The following SUCLG2 variants were observed in gnomAD, a reference collection of about 807,000 sequenced individuals.
The protein encoded by SUCLG2 is succinate-CoA ligase GDP-forming subunit beta, also known as succinate--CoA ligase [GDP-forming] subunit beta, mitochondrial.
In SUCLG2, 42 loss-of-function variants were observed where a neutral mutation model predicts 47.9. The ratio of observed to expected loss-of-function variants is 0.88; its 90% confidence interval spans 0.69 to 1.14. SUCLG2 has a LOEUF of 1.14. Among genes scored for constraint, SUCLG2 ranks in the 50% most tolerant of loss-of-function variants. SUCLG2 has a pLI of 0.00. For missense variants in SUCLG2, 571 were observed against 525.9 expected, an observed-to-expected ratio of 1.09 and a Z score of -0.84; for synonymous variants, 195 against 197.3, an observed-to-expected ratio of 0.99 and a Z score of 0.10.
intron 6 of SUCLG2, among the ~76,000 whole-genome samples, chr3:67,510,693 T>C (rs1184077739): frequency 6.6e-6 from 1 of 152,218 alleles, no homozygotes; most frequent in Non-Finnish European, 1.5e-5. Context: ...TGTATTGATA[T>C]GCTATAATTC....
At chr3:67,386,299 G>A (rs1389328149) in intron 10 of SUCLG2, among the ~76,000 whole-genome samples, 2 of 149,174 alleles carry the variant, frequency 1.3e-5, no homozygotes, top group African/African-American at 2.5e-5. Flanking sequence ...GGGTTTCACC[G>A]TGTTAGCCAG....
At chr3:67,549,854 CTTTTT>C (rs925588985) in intron 2 of SUCLG2, among the ~76,000 whole-genome samples, 1 of 148,534 alleles carries the variant, frequency 6.7e-6, no homozygotes, top group Non-Finnish European at 1.5e-5. Flanking sequence ...TAAATTTTTT[CTTTTT>C]TTTTTAAACT....
At chr3:67,606,730 TAA>T (rs1445765358) in intron 2 of SUCLG2, among the ~76,000 whole-genome samples, 1 of 152,222 alleles carries the variant, frequency 6.6e-6, no homozygotes, top group Non-Finnish European at 1.5e-5. Flanking sequence ...TATTAAAATA[TAA>T]GTCACTTCAA....
chr3:67,607,518 G>C (rs1228552048), intron 2 of SUCLG2, among the ~76,000 whole-genome samples: 2 of 151,940 alleles, frequency 1.3e-5, no homozygotes, highest in African/African-American at 4.8e-5. Context: ...TGGCAATCCA[G>C]ACCGACACCT....
chr3:67,465,693 C>A (rs1324612813), intron 9 of SUCLG2, among the ~76,000 whole-genome samples: 1 of 152,188 alleles, frequency 6.6e-6, no homozygotes. Flanking sequence ...GATGGCCAGG[C>A]CAGCCTCTCC....
chr3:67,451,472 T>C (rs1446647581), intron 9 of SUCLG2, among the ~76,000 whole-genome samples: 5 of 152,172 alleles, frequency 3.3e-5, no homozygotes, highest in South Asian at 2.1e-4. Flanking sequence ...ATCAACCAGA[T>C]GTTAAATAAT....
At chr3:67,379,192 T>G (rs575979222) in intron 10 of SUCLG2, among the ~76,000 whole-genome samples, 18 of 152,210 alleles carry the variant, frequency 1.2e-4, no homozygotes, top group Admixed American at 9.2e-4. Flanking sequence ...AGTGATCCAC[T>G]TGCCTCGGCC....
chr3:67,550,418 C>T (rs1345794761), intron 2 of SUCLG2, among the ~76,000 whole-genome samples: 1 of 152,160 alleles, frequency 6.6e-6, no homozygotes. Context: ...TGGCTCACTG[C>T]AGCCTCGAAC....
chr3:67,389,424 C>CATA (rs2106786206), intron 10 of SUCLG2, among the ~76,000 whole-genome samples: 1 of 152,258 alleles, frequency 6.6e-6, no homozygotes, highest in African/African-American at 2.4e-5. Flanking sequence ...AAAGGCCCTT[C>CATA]ATAAACCACA....
intron 10 of SUCLG2, among the ~76,000 whole-genome samples, chr3:67,393,104 G>C (rs1486888805): frequency 6.6e-6 from 1 of 152,236 alleles, no homozygotes; most frequent in East Asian, 1.9e-4. Flanking sequence ...GCAGAAGACG[G>C]GTGATTTCTG....
At chr3:67,419,564 T>G (rs529731977) in intron 9 of SUCLG2, among the ~76,000 whole-genome samples, 1 of 152,268 alleles carries the variant, frequency 6.6e-6, no homozygotes, top group South Asian at 2.1e-4. Flanking sequence ...AACTCAAATC[T>G]TAGTGACTGT....
intron 2 of SUCLG2, among the ~76,000 whole-genome samples, chr3:67,608,629 C>T (rs996644030): frequency 3.3e-5 from 5 of 151,906 alleles, no homozygotes; most frequent in Admixed American, 6.6e-5. Context: ...AGGATACACC[C>T]TCCCTAAGGG....
chr3:67,616,423 T>C (rs2122477), intron 1 of SUCLG2, among the ~76,000 whole-genome samples: 70,442 of 151,930 alleles, frequency 0.46, 16,780 homozygotes, highest in African/African-American at 0.56. Context: ...ATAATGTGTA[T>C]CTTCTAAGGA....
chr3:67,482,705 C>G (rs1395521106), intron 9 of SUCLG2, among the ~76,000 whole-genome samples: 2 of 152,092 alleles, frequency 1.3e-5, no homozygotes, highest in Non-Finnish European at 2.9e-5. Context: ...CACCTGCTAC[C>G]CAAATGCCAA....
intron 9 of SUCLG2, among the ~76,000 whole-genome samples, chr3:67,416,107 G>A (rs1399284593): frequency 6.6e-6 from 1 of 152,188 alleles, no homozygotes; most frequent in East Asian, 1.9e-4. Context: ...AGATGACAGT[G>A]AACCTGGCAT....
At chr3:67,602,853 T>C (rs1325722201) in intron 2 of SUCLG2, among the ~76,000 whole-genome samples, 1 of 152,086 alleles carries the variant, frequency 6.6e-6, no homozygotes, top group East Asian at 1.9e-4. Context: ...GCAACAGAAA[T>C]TAACTCTAGC....
At chr3:67,590,353 G>A (rs1708127603) in intron 2 of SUCLG2, among the ~76,000 whole-genome samples, 1 of 152,174 alleles carries the variant, frequency 6.6e-6, no homozygotes, top group East Asian at 1.9e-4. Flanking sequence ...GAACTAGACA[G>A]GTGATATGGT....
intron 2 of SUCLG2, among the ~76,000 whole-genome samples, chr3:67,587,956 C>A (rs938587871): frequency 3.3e-5 from 5 of 152,126 alleles, no homozygotes; most frequent in Non-Finnish European, 7.3e-5. Flanking sequence ...TAAAACAAAC[C>A]ACTTAAAATT....
At chr3:67,501,179 T>C (rs960230321) in intron 7 of SUCLG2, among the ~76,000 whole-genome samples, 7 of 152,140 alleles carry the variant, frequency 4.6e-5, no homozygotes, top group African/African-American at 1.7e-4. Context: ...TCTAAGTGTT[T>C]TGGGAAGTTA....
Sources: allele counts gnomAD v4.1 joint callset (sites outside exome capture counted in the v4.1 genomes callset), GRCh38; gene constraint gnomAD v4.1.1; transcripts MANE v1.5; gene names NCBI Gene and HGNC (gene_info 2026-07-23, HGNC 2026-07-21).